BCORL1: variants seen among roughly 807,000 people sequenced by gnomAD.
The protein encoded by BCORL1 is BCL-6 corepressor-like protein 1.
In BCORL1, 7 loss-of-function variants were observed where a neutral mutation model predicts 87.6. That is an observed-to-expected ratio of 0.08 (90% CI 0.05 to 0.15). The LOEUF is 0.15. BCORL1 is among the 10% of genes least tolerant of loss of function. BCORL1 has a pLI of 1.00. For synonymous variants in BCORL1, 591 were observed against 634.4 expected (o/e 0.93, Z 1.03); for missense variants, 1,215 against 1,499.7 (o/e 0.81, Z 3.13).
chrX:130,055,825 T>G, intron 13 of BCORL1, 29 bp from the exon 14 acceptor site: 1 of 1,179,667 alleles, frequency 8.5e-7, no homozygotes, highest in Non-Finnish European at 1.1e-6. Context: ...TCCAGCCTCC[T>G]TCAATAACTC....
intron 8 of BCORL1, among the ~76,000 whole-genome samples, chrX:130,033,973 C>G (rs1930780724): frequency 9.1e-6 from 1 of 110,041 alleles, no homozygotes; most frequent in South Asian, 3.9e-4. Flanking sequence ...CAAAGTGAGA[C>G]TCGGTCTCAA....
At chrX:130,003,781 C>T (rs148458571) in intron 1 of BCORL1, among the ~76,000 whole-genome samples, 217 of 112,102 alleles carry the variant, frequency 1.9e-3, no homozygotes, top group Middle Eastern at 0.019. Context: ...GTAAGCTCCA[C>T]ACGGGCAGGC....
intron 11 of BCORL1, among the ~76,000 whole-genome samples, chrX:130,041,731 A>G (rs1327674669): frequency 2.7e-5 from 3 of 110,942 alleles, no homozygotes; most frequent in African/African-American, 6.6e-5. Flanking sequence ...GGTTCACACC[A>G]TTCTCCTGCC....
At chrX:130,052,744 T>C (rs1932145495) in intron 13 of BCORL1, among the ~76,000 whole-genome samples, 1 of 112,672 alleles carries the variant, frequency 8.9e-6, no homozygotes, top group South Asian at 3.6e-4. Context: ...GCCTCCATGA[T>C]TTTTTCCCTC....
chrX:130,043,869 A>G lies in BCORL1; in HGVS notation c.4840+4587A>G, dbSNP rs928556104. Reference sequence around the variant, plus strand: ...ACTGCAAGCTCTGCCTCCCTGGTTCACGCCATTCTCCTGCCTCAGCCTCCG... The same window carrying G: ...ACTGCAAGCTCTGCCTCCCTGGTTCGCGCCATTCTCCTGCCTCAGCCTCCG... On this transcript the variant is annotated intron_variant, in intron 11 of 13. Coordinates refer to ENST00000540052, the MANE Select transcript of BCORL1 (RefSeq NM_001379451.1). Among the ~76,000 whole-genome samples, 179 of 89,006 alleles carry G rather than the reference A, an allele frequency of 2.0e-3. 3 individuals carry two copies. Among genetic ancestry groups the G allele is most frequent in the African/African-American group, 7.4e-3 (170 of 22,871 alleles). The allele number at this position is 89,006 out of a possible 115,157, so 77.3% of individuals were successfully genotyped here. A position where few individuals can be genotyped will look rare whatever the true frequency, so the allele number is the denominator to read the frequency against.
intron 1 of BCORL1, among the ~76,000 whole-genome samples, chrX:129,995,479 C>T (rs989923113): frequency 9.0e-6 from 1 of 110,775 alleles, no homozygotes; most frequent in African/African-American, 3.3e-5. Flanking sequence ...CTAGCTCTGT[C>T]ACCCAGGCTG....
At chrX:129,992,810 G>A (rs971716557) in intron 1 of BCORL1, among the ~76,000 whole-genome samples, 4 of 110,926 alleles carry the variant, frequency 3.6e-5, no homozygotes, top group Admixed American at 9.7e-5. Context: ...TGTCTGCCTC[G>A]GCCTCTCAGT....
chrX:130,039,422 A>G (rs779106725), intron 11 of BCORL1, 140 bp downstream of exon 11: 1 of 793,276 alleles, frequency 1.3e-6, no homozygotes, highest in African/African-American at 2.1e-5. Flanking sequence ...GCTTTCATTC[A>G]AAGAGCTCAA....
intron 8 of BCORL1, among the ~76,000 whole-genome samples, chrX:130,033,281 C>T (rs1751974977): frequency 9.0e-6 from 1 of 110,818 alleles, no homozygotes; most frequent in Non-Finnish European, 1.9e-5. Flanking sequence ...CTGGGTTTCA[C>T]TGTGTTGGCC....
chrX:130,033,233 C>A, intron 8 of BCORL1, among the ~76,000 whole-genome samples: 1 of 110,659 alleles, frequency 9.0e-6, no homozygotes, highest in Non-Finnish European at 1.9e-5. Context: ...AGGCGTGTAC[C>A]ACCACGCCCA....
intron 1 of BCORL1, among the ~76,000 whole-genome samples, chrX:130,004,323 C>T (rs1301329700): frequency 9.6e-6 from 1 of 104,232 alleles, no homozygotes; most frequent in Non-Finnish European, 1.9e-5. Context: ...CAGCTCACTG[C>T]AACCTCTGCC....
chrX:129,997,423 T>C (rs1398113217), intron 1 of BCORL1, among the ~76,000 whole-genome samples: 4 of 111,182 alleles, frequency 3.6e-5, no homozygotes, highest in Non-Finnish European at 7.5e-5. Flanking sequence ...TTGGATTGTT[T>C]TAAAGATCTC....
chrX:130,043,441 C>T (rs1353529793), intron 11 of BCORL1, among the ~76,000 whole-genome samples: 2 of 110,229 alleles, frequency 1.8e-5, no homozygotes, highest in African/African-American at 6.6e-5. Context: ...GCCAAATCTC[C>T]AGGAACCACT....
intron 1 of BCORL1, among the ~76,000 whole-genome samples, chrX:129,990,283 G>A (rs1171730024): frequency 1.8e-5 from 2 of 110,741 alleles, no homozygotes; most frequent in Non-Finnish European, 3.8e-5. Flanking sequence ...CCAGGCTGGA[G>A]TGCAGTGGCG....
chrX:130,040,478 C>T lies in BCORL1; in HGVS notation c.4840+1196C>T, dbSNP rs1931241979. ...TTGACTCCTGCTCAGCCAGCCTCCACCCAGGTCTCAGCTGAGCTGACTAAA... is the reference window on the plus strand; with the variant it reads ...TTGACTCCTGCTCAGCCAGCCTCCATCCAGGTCTCAGCTGAGCTGACTAAA... On this transcript the variant is annotated intron_variant, in intron 11 of 13. Transcript: ENST00000540052. 1.8e-5 allele frequency among the ~76,000 whole-genome samples: 2 copies of T among 112,442 alleles called. 1 individual carries two copies. Among genetic ancestry groups the T allele is most frequent in the Admixed American group, 1.9e-4 (2 of 10,653 alleles).
Position 130,015,756 on chromosome X carries a change from T to A in BCORL1, c.2984T>A (p.Leu995Gln), listed in dbSNP as rs771613627. The A allele has an allele frequency of 2.5e-6, 3 of 1,210,115 alleles. No individual in the cohort carries two copies. Among genetic ancestry groups the A allele is most frequent in the Non-Finnish European group, 3.4e-6 (3 of 895,227 alleles). Residue 995 changes from leucine (L) to glutamine (Q), a missense_variant, in exon 4 of 14, where the codon CTG (leucine) becomes CAG (glutamine). Leu to Gln is a moderately radical substitution (Grantham distance 113). Around this residue, in one of 5 missense-constraint regions of BCORL1, gnomAD observed 861 missense variants for 1,010.0 expected, o/e 0.85. Transcript: ENST00000540052. ...CTGGCCACCTACATGTCCCATGAGC[T>A]GGTCCTGGCCACCCCCCAGAACCTG... is the stretch of plus-strand genomic sequence containing the variant. ...QVLATYMSHE[L>Q]VLATPQNLPK...
At chrX:129,994,329 T>C (rs1045903281) in intron 1 of BCORL1, among the ~76,000 whole-genome samples, 16 of 111,905 alleles carry the variant, frequency 1.4e-4, no homozygotes, top group African/African-American at 4.2e-4. Flanking sequence ...TTGCTGCTGT[T>C]TGAGTAGATT....
chrX:130,000,821 T>C (rs748660893), intron 1 of BCORL1, among the ~76,000 whole-genome samples: 11 of 111,690 alleles, frequency 9.8e-5, no homozygotes, highest in African/African-American at 3.6e-4. Flanking sequence ...CCCAGAAGGT[T>C]ATGCTATAGA....
Position 130,013,555 on chromosome X carries a change from G to A in BCORL1, c.783G>A (p.Ala261=), listed in dbSNP as rs61752973. 6.1e-3 allele frequency: 7,383 copies of A among 1,208,526 alleles called. 21 individuals carry two copies. Among genetic ancestry groups the A allele is most frequent in the Non-Finnish European group, 7.5e-3 (6,748 of 894,812 alleles). The change falls in exon 4 of 14, where the codon GCG becomes GCA. Residue 261 remains alanine (A), a synonymous_variant. Transcript: ENST00000540052. ...PLAPVPALAP[A]PPSVPTLISD... ...CACCTGTCCCGGCTCTGGCTCCAGCGCCACCGTCAGTGCCCACGCTCATCT... is the reference window on the plus strand; with the variant it reads ...CACCTGTCCCGGCTCTGGCTCCAGCACCACCGTCAGTGCCCACGCTCATCT...
Sources: allele counts gnomAD v4.1 joint callset (sites outside exome capture counted in the v4.1 genomes callset), GRCh38; gene constraint gnomAD v4.1.1; regional missense constraint gnomAD v4.1.1; transcripts MANE v1.5; gene names NCBI Gene and HGNC (gene_info 2026-07-23, HGNC 2026-07-21).